ROBO2: variants seen among roughly 807,000 people sequenced by gnomAD.
ROBO2 encodes the protein roundabout homolog 2.
ROBO2 carries 53 observed loss-of-function variants against 160.8 expected under a neutral mutation model. That is an observed-to-expected ratio of 0.33 (90% CI 0.26 to 0.41). The LOEUF is 0.41. Ranked by LOEUF, ROBO2 falls within the 10% of genes least tolerant of loss-of-function variation. The pLI, the probability that ROBO2 is intolerant of heterozygous loss-of-function variation, is 1.00. For synonymous variants in ROBO2, 664 were observed against 611.7 expected (o/e 1.09, Z -1.26); for missense variants, 1,577 against 1,722.4 (o/e 0.92, Z 1.49).
intron 1 of ROBO2, among the ~76,000 whole-genome samples, chr3:77,087,447 T>C (rs919534549): frequency 6.6e-6 from 1 of 152,118 alleles, no homozygotes; most frequent in African/African-American, 2.4e-5. Flanking sequence ...AAACCTCTGA[T>C]TGGGCAGTAA....
chr3:76,030,713 T>C (rs1277975025), intron 2 of ROBO2, among the ~76,000 whole-genome samples: 1 of 152,204 alleles, frequency 6.6e-6, no homozygotes. Flanking sequence ...TCTGTTCTGT[T>C]CCATTGTTCT....
intron 2 of ROBO2, among the ~76,000 whole-genome samples, chr3:76,886,357 A>G (rs908295368): frequency 3.3e-5 from 5 of 151,824 alleles, no homozygotes; most frequent in African/African-American, 1.2e-4. Flanking sequence ...TTCTATGGAG[A>G]TTTAAGGAAT....
chr3:76,396,684 C>A (rs1290527838), intron 2 of ROBO2, among the ~76,000 whole-genome samples: 1 of 152,084 alleles, frequency 6.6e-6, no homozygotes, highest in Non-Finnish European at 1.5e-5. Flanking sequence ...CAATAACAGA[C>A]AAACAGAGAG....
chr3:76,917,605 T>C (rs2076404267), intron 2 of ROBO2, among the ~76,000 whole-genome samples: 2 of 152,312 alleles, frequency 1.3e-5, no homozygotes, highest in South Asian at 4.1e-4. Flanking sequence ...TATAACAATT[T>C]GTGTCTTTTG....
intron 2 of ROBO2, chr3:76,434,740 G>A: frequency 9.0e-7 from 1 of 1,112,978 alleles, no homozygotes; most frequent in Admixed American, 1.7e-5. Flanking sequence ...ACCAGTTGAG[G>A]CTCAGATGAG....
chr3:77,389,937 CT>C (rs1194725854), intron 2 of ROBO2, among the ~76,000 whole-genome samples: 2 of 152,140 alleles, frequency 1.3e-5, no homozygotes, highest in African/African-American at 4.8e-5. Context: ...TTGCCTTATA[CT>C]TGATCATGTC....
intron 2 of ROBO2, among the ~76,000 whole-genome samples, chr3:77,355,235 G>GATCAACCCTTCTTCCCATCCA (rs1442814705): frequency 4.3e-5 from 3 of 69,374 alleles, no homozygotes; most frequent in Non-Finnish European, 1.1e-4. Context: ...CTTCCCATCT[G>GATCAACCCTTCTTCCCATCCA]CATACCCTAG....
chr3:76,747,172 C>T (rs984194604), intron 2 of ROBO2, among the ~76,000 whole-genome samples: 11 of 152,070 alleles, frequency 7.2e-5, no homozygotes, highest in South Asian at 4.1e-4. Context: ...GTCCTTCCGT[C>T]TTAAAATGTC....
chr3:76,510,203 C>CA (rs1248808627), intron 2 of ROBO2, among the ~76,000 whole-genome samples: 2 of 151,820 alleles, frequency 1.3e-5, no homozygotes, highest in Admixed American at 6.6e-5. Context: ...TGAAAAATGT[C>CA]AAAAAAGGCC....
intron 2 of ROBO2, among the ~76,000 whole-genome samples, chr3:76,347,424 G>A (rs1344061277): frequency 1.3e-5 from 2 of 152,148 alleles, no homozygotes; most frequent in South Asian, 2.1e-4. Context: ...GCATTTTTAG[G>A]TGTGAATTCT....
intron 2 of ROBO2, among the ~76,000 whole-genome samples, chr3:76,352,620 A>C (rs1006908339): frequency 6.6e-6 from 1 of 151,946 alleles, no homozygotes; most frequent in Non-Finnish European, 1.5e-5. Flanking sequence ...GACTAAGGAC[A>C]AAAAAATGGT....
intron 1 of ROBO2, among the ~76,000 whole-genome samples, chr3:75,932,006 G>A (rs1389753069): frequency 6.6e-6 from 1 of 152,100 alleles, no homozygotes; most frequent in Non-Finnish European, 1.5e-5. Flanking sequence ...TAGTTTCCGA[G>A]AAACAAAGGT....
At chr3:77,488,861 T>C (rs182865556) in intron 4 of ROBO2, among the ~76,000 whole-genome samples, 2 of 152,346 alleles carry the variant, frequency 1.3e-5, no homozygotes, top group East Asian at 3.9e-4. Context: ...ATTCTCAGAT[T>C]TTCTGGAAAT....
rs528537410 is a variant in ROBO2, at chr3:76,101,026, T to TA, written c.109+163434dup. Among the ~76,000 whole-genome samples the TA allele has an allele frequency of 2.6e-3, 387 of 146,392 alleles. No individual in the cohort carries two copies. In the South Asian group the frequency reaches 0.033, roughly 12 times the overall value. ...TTTTAATTGTAAAGAGTGCTGTGTA[T>TA]AAAAAAAAAACAGAGAGCCAAGGAA... On this transcript the variant is annotated intron_variant, in intron 2 of 26. Coordinates refer to the ROBO2 transcript ENST00000487694.
At chr3:76,491,947 A>G (rs1436269748) in intron 2 of ROBO2, among the ~76,000 whole-genome samples, 1 of 152,046 alleles carries the variant, frequency 6.6e-6, no homozygotes, top group Non-Finnish European at 1.5e-5. Context: ...ATACAAACAA[A>G]CAAACAAAAA....
chr3:77,035,867 C>T (rs115097866), upstream of ROBO2, among the ~76,000 whole-genome samples: 6,792 of 151,794 alleles, frequency 0.045, 494 homozygotes, highest in African/African-American at 0.15. Context: ...ATAACACATA[C>T]GTGTCATTTA....
intron 1 of ROBO2, among the ~76,000 whole-genome samples, chr3:75,910,561 C>T (rs1041634363): frequency 1.3e-5 from 2 of 152,076 alleles, no homozygotes; most frequent in African/African-American, 4.8e-5. Flanking sequence ...CATCCCCTGT[C>T]CCCCTTTGTA....
At chr3:77,219,627 G>C (rs1020099235) in intron 2 of ROBO2, among the ~76,000 whole-genome samples, 74 of 150,398 alleles carry the variant, frequency 4.9e-4, no homozygotes, top group African/African-American at 1.6e-3. Context: ...TATTGACCAT[G>C]GGCCTTAAGG....
chr3:76,274,950 A>G (rs1707834363), intron 2 of ROBO2, among the ~76,000 whole-genome samples: 1 of 152,144 alleles, frequency 6.6e-6, no homozygotes, highest in African/African-American at 2.4e-5. Flanking sequence ...ATAATATTTT[A>G]TGCAGAGATT....
Sources: gnomAD v4.1 joint callset for allele counts (sites outside exome capture counted in the v4.1 genomes callset) on GRCh38, gnomAD v4.1.1 for gene constraint, MANE v1.5 for transcripts, NCBI Gene and HGNC (gene_info 2026-07-23, HGNC 2026-07-21) for gene names.